Variants in MACROD2 observed in about 807,000 individuals in gnomAD.
MACROD2 encodes mono-ADP ribosylhydrolase 2, also known as ADP-ribose glycohydrolase MACROD2.
A neutral mutation model predicts 70.4 loss-of-function variants in MACROD2; 36 were observed. The ratio of observed to expected loss-of-function variants is 0.51; its 90% CI spans 0.39 to 0.68. The LOEUF (loss-of-function observed/expected upper bound fraction) is 0.68, where lower values mean the gene tolerates loss of function less well. Among genes scored for constraint, MACROD2 ranks in the 30% least tolerant of loss-of-function variants. The pLI, the probability that MACROD2 is intolerant of heterozygous loss-of-function variation, is 0.00. For missense variants in MACROD2, 496 were observed against 538.4 expected (o/e 0.92, Z 0.78); for synonymous variants, 172 against 178.8 (o/e 0.96, Z 0.30).
At chr20:15,075,855 G>A (rs1007721858) in intron 5 of MACROD2, among the ~76,000 whole-genome samples, 1 of 152,094 alleles carries the variant, frequency 6.6e-6, no homozygotes, top group Non-Finnish European at 1.5e-5. Context: ...CTCCATGAGC[G>A]CTGAAGGATA....
chr20:14,219,741 C>G lies in MACROD2; in HGVS notation c.271+134013C>G, dbSNP rs530165495. 4.6e-5 allele frequency among the ~76,000 whole-genome samples: 7 copies of G among 152,272 alleles called. No individual in the cohort carries two copies. In the South Asian group the frequency reaches 1.4e-3, roughly 32 times the overall value. On this transcript the variant is annotated intron_variant, in intron 3 of 17. Transcript: ENST00000684519. ...GTGTTCCCTTGATGTAGTACTCTCC[C>G]CCTTTTCCTGTGGATGTGGCTTCAT...
At chr20:15,857,015 A>G (rs766448656) in intron 8 of MACROD2, among the ~76,000 whole-genome samples, 5 of 152,224 alleles carry the variant, frequency 3.3e-5, no homozygotes, top group Non-Finnish European at 7.3e-5. Context: ...TCTTCTCTAC[A>G]TAATATTCAC....
chr20:15,819,431 GTATA>G (rs2063914579), intron 8 of MACROD2, among the ~76,000 whole-genome samples: 1 of 136,870 alleles, frequency 7.3e-6, no homozygotes, highest in African/African-American at 2.8e-5. Flanking sequence ...ATATAAATAA[GTATA>G]TAATTATATA....
chr20:14,014,429 G>A (rs1216598974), intron 2 of MACROD2, among the ~76,000 whole-genome samples: 3 of 152,112 alleles, frequency 2.0e-5, no homozygotes. Flanking sequence ...ATTTATCTAA[G>A]CCTTTGATTT....
intron 2 of MACROD2, among the ~76,000 whole-genome samples, chr20:14,043,422 C>T (rs1379383575): frequency 1.3e-5 from 2 of 152,338 alleles, no homozygotes; most frequent in East Asian, 1.9e-4. Flanking sequence ...TAGAGCTTCT[C>T]TGCCTTCTCT....
intron 2 of MACROD2, among the ~76,000 whole-genome samples, chr20:14,081,982 C>T (rs181137656): frequency 7.4e-4 from 113 of 152,090 alleles, no homozygotes; most frequent in African/African-American, 2.5e-3. Flanking sequence ...TTTTGAGTAA[C>T]TTATTTGAGC....
chr20:14,586,427 G>A (rs1981382317), intron 4 of MACROD2, among the ~76,000 whole-genome samples: 1 of 152,038 alleles, frequency 6.6e-6, no homozygotes, highest in South Asian at 2.1e-4. Context: ...CAGAAGAAAA[G>A]TTATGCTTAC....
intron 15 of MACROD2, among the ~76,000 whole-genome samples, chr20:16,004,660 CCT>C (rs755332294): frequency 2.0e-4 from 31 of 152,244 alleles, no homozygotes; most frequent in Non-Finnish European, 4.4e-4. Flanking sequence ...CTCTGCGGCC[CCT>C]GTCAGCAGCC....
chr20:15,449,548 A>G (rs1356409503), intron 7 of MACROD2, among the ~76,000 whole-genome samples: 1 of 152,200 alleles, frequency 6.6e-6, no homozygotes, highest in Non-Finnish European at 1.5e-5. Flanking sequence ...ATTTTCCAAA[A>G]AAATAATATT....
chr20:14,182,517 C>T (rs879363108), intron 3 of MACROD2, among the ~76,000 whole-genome samples: 8 of 151,972 alleles, frequency 5.3e-5, no homozygotes, highest in Admixed American at 1.3e-4. Context: ...GTGTGGTTGC[C>T]TGTACCTTTG....
chr20:15,568,526 A>G (rs1171454340), intron 8 of MACROD2, among the ~76,000 whole-genome samples: 1 of 152,180 alleles, frequency 6.6e-6, no homozygotes, highest in Admixed American at 6.5e-5. Context: ...CACCCTCAAC[A>G]TAGGGCCTCT....
At chr20:14,187,801 A>G (rs1039800288) in intron 3 of MACROD2, among the ~76,000 whole-genome samples, 5 of 152,162 alleles carry the variant, frequency 3.3e-5, no homozygotes, top group Non-Finnish European at 7.4e-5. Context: ...CTGTTGGGAT[A>G]CTTCACTTAG....
chr20:14,315,488 A>G (rs1474441193), intron 3 of MACROD2, among the ~76,000 whole-genome samples: 1 of 152,232 alleles, frequency 6.6e-6, no homozygotes, highest in South Asian at 2.1e-4. Flanking sequence ...AAGATTTAGC[A>G]GTGAAACTAC....
intron 3 of MACROD2, among the ~76,000 whole-genome samples, chr20:14,491,346 T>G (rs1474521773): frequency 6.6e-6 from 1 of 152,162 alleles, no homozygotes; most frequent in Non-Finnish European, 1.5e-5. Context: ...GAAAAATCAT[T>G]ATTGGATTTA....
chr20:14,436,265 T>C (rs2084055204), intron 3 of MACROD2, among the ~76,000 whole-genome samples: 1 of 152,186 alleles, frequency 6.6e-6, no homozygotes, highest in African/African-American at 2.4e-5. Context: ...AGTGATACCA[T>C]GATGACCCTG....
intron 6 of MACROD2, among the ~76,000 whole-genome samples, chr20:15,382,717 C>T (rs150997594): frequency 6.6e-5 from 10 of 152,248 alleles, no homozygotes; most frequent in Non-Finnish European, 1.3e-4. Context: ...GAAAGAACCA[C>T]TTTCATGTGG....
At chr20:15,763,762 C>T (rs1177799160) in intron 8 of MACROD2, among the ~76,000 whole-genome samples, 2 of 152,038 alleles carry the variant, frequency 1.3e-5, no homozygotes, top group African/African-American at 4.8e-5. Context: ...GAATTTGGGT[C>T]AATTGTTACA....
intron 2 of MACROD2, among the ~76,000 whole-genome samples, chr20:14,058,433 GAAA>G (rs1311812948): frequency 1.6e-4 from 12 of 75,832 alleles, no homozygotes; most frequent in Non-Finnish European, 2.6e-4. Flanking sequence ...GGTACATTTA[GAAA>G]AATACAAAAA....
intron 3 of MACROD2, among the ~76,000 whole-genome samples, chr20:14,489,833 A>C (rs1439353231): frequency 6.6e-6 from 1 of 151,180 alleles, no homozygotes; most frequent in East Asian, 1.9e-4. Flanking sequence ...TTACTGGGCA[A>C]AAAGAAAAAA....
Sources: allele counts gnomAD v4.1 joint callset (sites outside exome capture counted in the v4.1 genomes callset), GRCh38; gene constraint gnomAD v4.1.1; transcripts MANE v1.5; gene names NCBI Gene and HGNC (gene_info 2026-07-23, HGNC 2026-07-21).